Variants in ERC1 observed in about 807,000 individuals in gnomAD.
ERC1 encodes RAB6 interacting protein 2.
In ERC1, 56 loss-of-function variants were observed where a neutral mutation model predicts 132.0. The ratio of observed to expected loss-of-function variants is 0.42; its 90% CI spans 0.34 to 0.53. The LOEUF (loss-of-function observed/expected upper bound fraction) is 0.53. Ranked by LOEUF, ERC1 falls within the 20% of genes least tolerant of loss-of-function variation. ERC1 has a pLI of 0.03. For missense variants in ERC1, 1,202 were observed against 1,349.9 expected, an observed-to-expected ratio of 0.89 and a Z score of 1.72; for synonymous variants, 478 against 476.1, an observed-to-expected ratio of 1.00 and a Z score of -0.05.
intron 12 of ERC1, among the ~76,000 whole-genome samples, chr12:1,218,208 A>G (rs1288665838): frequency 1.3e-5 from 2 of 152,186 alleles, no homozygotes; most frequent in Non-Finnish European, 2.9e-5. Flanking sequence ...ACTTGCATCT[A>G]TACCTGGAGC....
chr12:1,037,228 T>C (rs940271572), intron 2 of ERC1, among the ~76,000 whole-genome samples: 1 of 152,226 alleles, frequency 6.6e-6, no homozygotes, highest in South Asian at 2.1e-4. Flanking sequence ...TCACTTTTTA[T>C]TTTCCTCTGT....
At chr12:1,001,829 C>A (rs1230953980) in intron 1 of ERC1, among the ~76,000 whole-genome samples, 1 of 150,426 alleles carries the variant, frequency 6.6e-6, no homozygotes, top group Non-Finnish European at 1.5e-5. Flanking sequence ...ATGGATTATG[C>A]CACTATGACT....
chr12:1,271,161 T>A (rs2077822676), intron 14 of ERC1, among the ~76,000 whole-genome samples: 2 of 152,194 alleles, frequency 1.3e-5, no homozygotes, highest in Admixed American at 1.3e-4. Flanking sequence ...TATAAAAAGA[T>A]ACATTTTAAA....
At chr12:1,060,915 A>G (rs946376154) in intron 2 of ERC1, among the ~76,000 whole-genome samples, 1 of 151,608 alleles carries the variant, frequency 6.6e-6, no homozygotes. Flanking sequence ...TTTTAGTAGA[A>G]CGAGGTTTCA....
At chr12:1,400,189 C>T (rs1198666465) in intron 16 of ERC1, among the ~76,000 whole-genome samples, 1 of 152,188 alleles carries the variant, frequency 6.6e-6, no homozygotes. Flanking sequence ...ATTGGTGTTG[C>T]ACATCTTTTC....
At chr12:1,193,383 C>T (rs1299406963) in intron 12 of ERC1, among the ~76,000 whole-genome samples, 2 of 151,974 alleles carry the variant, frequency 1.3e-5, no homozygotes, top group Non-Finnish European at 2.9e-5. Flanking sequence ...ATGTTCCATA[C>T]TGTGGTGCAT....
intron 8 of ERC1, among the ~76,000 whole-genome samples, chr12:1,155,852 T>C (rs1466216050): frequency 6.8e-6 from 1 of 146,098 alleles, no homozygotes; most frequent in Non-Finnish European, 1.5e-5. Context: ...GAGAGTAATA[T>C]GTGTTCAAGG....
rs202050373 is a variant in ERC1 at position 1,393,577 on chromosome 12, C to CT, written c.2926-14560dup. 6.8e-3 allele frequency among the ~76,000 whole-genome samples: 893 copies of CT among 130,446 alleles called. 5 individuals are homozygous for CT. Among genetic ancestry groups the CT allele is most frequent in the African/African-American group, 0.022 (786 of 36,054 alleles). The allele number at this position is 130,446 out of a possible 152,430, so 85.6% of individuals were successfully genotyped here. On this transcript the variant is annotated intron_variant, in intron 16 of 18. Coordinates refer to ENST00000360905, the MANE Select transcript of ERC1 (RefSeq NM_178040.4). ...ACTTTTATTCTTGTGATCTAAAGTT[C>CT]TTTTTTTTTTTTCCTTTAGAGAGAA...
chr12:1,174,668 G>A (rs1953490483), intron 8 of ERC1, among the ~76,000 whole-genome samples: 1 of 152,220 alleles, frequency 6.6e-6, no homozygotes, highest in Non-Finnish European at 1.5e-5. Context: ...TGCATGTAAG[G>A]GGTGTTTGTA....
At chr12:1,453,136 T>A (rs866812054) in intron 18 of ERC1, among the ~76,000 whole-genome samples, 1 of 152,168 alleles carries the variant, frequency 6.6e-6, no homozygotes, top group Non-Finnish European at 1.5e-5. Flanking sequence ...TTCTTCATTT[T>A]CCTGCTCCAG....
At chr12:1,137,373 A>T (rs1435821906) in intron 7 of ERC1, among the ~76,000 whole-genome samples, 7 of 151,632 alleles carry the variant, frequency 4.6e-5, no homozygotes, top group African/African-American at 1.7e-4. Context: ...CTGGGATTAC[A>T]GGTGTGAGCC....
chr12:1,293,067 C>T (rs901425744), intron 15 of ERC1, among the ~76,000 whole-genome samples: 2 of 150,964 alleles, frequency 1.3e-5, no homozygotes, highest in East Asian at 1.9e-4. Context: ...TCACTTGAAC[C>T]TGGAAGGCGG....
chr12:1,488,217 G>A (rs1293492229), intron 18 of ERC1, among the ~76,000 whole-genome samples: 1 of 151,272 alleles, frequency 6.6e-6, no homozygotes, highest in Non-Finnish European at 1.5e-5. Flanking sequence ...CTGGGCTCAA[G>A]CGATTCCCCC....
At chr12:1,102,329 A>T (rs1944757030) in intron 3 of ERC1, among the ~76,000 whole-genome samples, 2 of 152,150 alleles carry the variant, frequency 1.3e-5, no homozygotes, top group Non-Finnish European at 2.9e-5. Context: ...TAGAGAGGAG[A>T]AGTAATTTTT....
At chr12:1,004,437 TGCCCTCTC>T (rs1963108880) in intron 1 of ERC1, among the ~76,000 whole-genome samples, 2 of 145,302 alleles carry the variant, frequency 1.4e-5, no homozygotes, top group Non-Finnish European at 3.0e-5. Flanking sequence ...GACGGAGTCT[TGCCCTCTC>T]GCCCAGGCTG....
At chr12:1,428,309 G>A (rs934270939) in intron 17 of ERC1, among the ~76,000 whole-genome samples, 7 of 152,130 alleles carry the variant, frequency 4.6e-5, no homozygotes, top group Non-Finnish European at 7.4e-5. Flanking sequence ...TAAATAAAAC[G>A]TGGATGAGTT....
intron 15 of ERC1, among the ~76,000 whole-genome samples, chr12:1,333,912 A>G (rs1243878328): frequency 6.6e-6 from 1 of 152,142 alleles, no homozygotes; most frequent in Non-Finnish European, 1.5e-5. Flanking sequence ...CAACCTCGCC[A>G]GCATCTGTTA....
intron 16 of ERC1, among the ~76,000 whole-genome samples, chr12:1,394,220 G>A (rs1449624682): frequency 2.0e-5 from 3 of 150,758 alleles, no homozygotes; most frequent in Admixed American, 1.3e-4. Flanking sequence ...CTAACACGGT[G>A]AAACCCCATC....
intron 18 of ERC1, among the ~76,000 whole-genome samples, chr12:1,446,620 A>G (rs2093310717): frequency 6.6e-6 from 1 of 152,206 alleles, no homozygotes; most frequent in Non-Finnish European, 1.5e-5. Flanking sequence ...CTGTGGTGTG[A>G]TATTAAAGAT....
Sources: allele counts gnomAD v4.1 joint callset (sites outside exome capture counted in the v4.1 genomes callset), GRCh38; gene constraint gnomAD v4.1.1; transcripts MANE v1.5; gene names NCBI Gene and HGNC (gene_info 2026-07-23, HGNC 2026-07-21).